Variants in RGS6 observed in about 807,000 individuals in gnomAD.
RGS6 encodes regulator of G protein signaling 6, also known as regulator of G-protein signaling 6.
In RGS6, 30 loss-of-function variants were observed where a neutral mutation model predicts 78.5. The ratio of observed to expected loss-of-function variants is 0.38; its 90% CI spans 0.29 to 0.52. The LOEUF (loss-of-function observed/expected upper bound fraction) is 0.52. Among genes scored for constraint, RGS6 ranks in the 20% least tolerant of loss-of-function variants. The pLI, the probability that RGS6 is intolerant of heterozygous loss-of-function variation, is 0.85. For synonymous variants in RGS6, 206 were observed against 206.0 expected, an observed-to-expected ratio of 1.00 and a Z score of 0.00; for missense variants, 495 against 609.7, an observed-to-expected ratio of 0.81 and a Z score of 1.98.
intron 3 of RGS6, among the ~76,000 whole-genome samples, chr14:72,418,677 G>A (rs1037481790): frequency 6.6e-6 from 1 of 152,182 alleles, no homozygotes; most frequent in Admixed American, 6.5e-5. Flanking sequence ...TTGCATGGAA[G>A]GTGCCTGGAA....
chr14:72,335,622 A>G (rs186966756), intron 2 of RGS6, among the ~76,000 whole-genome samples: 1 of 152,230 alleles, frequency 6.6e-6, no homozygotes, highest in African/African-American at 2.4e-5. Flanking sequence ...AACGTGGTTT[A>G]TGGTTTTGTT....
chr14:72,543,765 A>C (rs1341755251), intron 17 of RGS6, among the ~76,000 whole-genome samples: 1 of 152,210 alleles, frequency 6.6e-6, no homozygotes, highest in African/African-American at 2.4e-5. Flanking sequence ...CTTGAGACAG[A>C]GTCTCACTCT....
the RGS6 span, among the ~76,000 whole-genome samples, chr14:71,882,337 G>T: frequency 6.6e-6 from 1 of 152,130 alleles, no homozygotes; most frequent in Non-Finnish European, 1.5e-5. Flanking sequence ...TATCGCATTT[G>T]GTTTATCCAT....
chr14:72,587,696 CAG>C, the RGS6 span, among the ~76,000 whole-genome samples: 1 of 152,146 alleles, frequency 6.6e-6, no homozygotes, highest in Non-Finnish European at 1.5e-5. Flanking sequence ...TTCTGCCCCT[CAG>C]ATTCATCCCC....
At chr14:72,054,302 A>T (rs1376084513) in intron 2 of RGS6, among the ~76,000 whole-genome samples, 1 of 152,170 alleles carries the variant, frequency 6.6e-6, no homozygotes, top group African/African-American at 2.4e-5. Context: ...CTTTCATAAC[A>T]GTTCGCTCAA....
intron 2 of RGS6, among the ~76,000 whole-genome samples, chr14:72,126,515 AGTG>A (rs372084685): frequency 1.8e-4 from 28 of 152,348 alleles, no homozygotes; most frequent in African/African-American, 6.7e-4. Flanking sequence ...CCGTTGGTTA[AGTG>A]GTGGTGCTCA....
At chr14:72,294,095 G>A (rs1374718166) in intron 2 of RGS6, among the ~76,000 whole-genome samples, 5 of 152,198 alleles carry the variant, frequency 3.3e-5, no homozygotes, top group Non-Finnish European at 7.3e-5. Flanking sequence ...ACCACAAGAG[G>A]TCCTTTTTGT....
the RGS6 span, among the ~76,000 whole-genome samples, chr14:72,627,169 C>A: frequency 3.9e-5 from 6 of 151,932 alleles, no homozygotes; most frequent in African/African-American, 1.4e-4. Flanking sequence ...GTCAGATATA[C>A]CAACATTTTA....
At position 72,401,165 on chromosome 14, in the gene RGS6, A is replaced by G. The variant is rs538351952; in HGVS notation, c.184+48971A>G. 5.9e-5 allele frequency among the ~76,000 whole-genome samples: 9 copies of G among 152,228 alleles called. No homozygotes were observed. The East Asian group carries it at 1.7e-3, about 29-fold the overall frequency. Reference sequence around the variant, plus strand: ...CTTTACCCCAAGTCTACCTCCTTAAAATACTTTTATGAGCACAAATCCCTG... The same window carrying G: ...CTTTACCCCAAGTCTACCTCCTTAAGATACTTTTATGAGCACAAATCCCTG... On this transcript the variant is annotated intron_variant, in intron 3 of 17. Coordinates refer to ENST00000553525, the MANE Select transcript of RGS6 (RefSeq NM_001204424.2).
At chr14:72,619,300 GGCCTGGCA>G in the RGS6 span, 1 of 1,536,058 alleles carries the variant, frequency 6.5e-7, no homozygotes, top group Non-Finnish European at 8.7e-7. Flanking sequence ...TGGGGCCCTA[GGCCTGGCA>G]GCCAAAGGCT....
chr14:72,478,216 GA>G (rs397953686), intron 11 of RGS6, 51 bp from the exon 12 acceptor site: 7 of 1,427,024 alleles, frequency 4.9e-6, no homozygotes, highest in Admixed American at 3.5e-5. Flanking sequence ...GGAGCGAGGG[GA>G]AAAAAATAAT....
intron 2 of RGS6, among the ~76,000 whole-genome samples, chr14:72,186,036 A>G (rs1259996258): frequency 6.6e-6 from 1 of 152,260 alleles, no homozygotes; most frequent in Non-Finnish European, 1.5e-5. Context: ...TCTTCTATGT[A>G]AATGGAGGAA....
In RGS6 at chr14:72,468,952, G is replaced by A. The variant is rs146349503; in HGVS notation, c.460-1055G>A. ...ATCCATTAATGAGGGTAATCAATTC[G>A]TGTTGGCATGAGCTCTATGAAAATA... On this transcript the variant is annotated intron_variant, in intron 7 of 17. Coordinates refer to ENST00000553525, the MANE Select transcript of RGS6 (RefSeq NM_001204424.2). 8.1e-4 allele frequency among the ~76,000 whole-genome samples: 123 copies of A among 152,178 alleles called. No individual in the cohort carries two copies. In the East Asian group the frequency reaches 0.014, roughly 18 times the overall value.
intron 3 of RGS6, among the ~76,000 whole-genome samples, chr14:72,440,565 A>G (rs1187684460): frequency 6.6e-6 from 1 of 151,710 alleles, no homozygotes; most frequent in African/African-American, 2.4e-5. Flanking sequence ...GGTACATGCC[A>G]CCATGCCCGG....
intron 2 of RGS6, among the ~76,000 whole-genome samples, chr14:72,267,116 A>G (rs1025490527): frequency 1.3e-5 from 2 of 152,074 alleles, no homozygotes; most frequent in South Asian, 4.1e-4. Flanking sequence ...ATTTCTGGCT[A>G]ATTTTTGTAT....
chr14:71,928,994 G>A (rs1157342140), upstream of RGS6, among the ~76,000 whole-genome samples: 1 of 152,046 alleles, frequency 6.6e-6, no homozygotes, highest in East Asian at 1.9e-4. Context: ...CTTTCATTTT[G>A]AAATAATGTT....
chr14:72,422,084 G>A (rs1332928622), intron 3 of RGS6, among the ~76,000 whole-genome samples: 5 of 152,254 alleles, frequency 3.3e-5, no homozygotes, highest in Middle Eastern at 3.4e-3. Context: ...ATAATGGGGG[G>A]AGGTTCCCCT....
chr14:71,914,284 G>T, the RGS6 span, among the ~76,000 whole-genome samples: 1 of 152,140 alleles, frequency 6.6e-6, no homozygotes, highest in Non-Finnish European at 1.5e-5. Context: ...TTTTGGCCAT[G>T]GTTCATTTCT....
At chr14:72,100,892 C>T (rs1253085504) in intron 2 of RGS6, among the ~76,000 whole-genome samples, 1 of 152,202 alleles carries the variant, frequency 6.6e-6, no homozygotes, top group Non-Finnish European at 1.5e-5. Context: ...GGCACAGTGA[C>T]TCATGCCTGT....
Sources: allele counts gnomAD v4.1 joint callset (sites outside exome capture counted in the v4.1 genomes callset), GRCh38; gene constraint gnomAD v4.1.1; transcripts MANE v1.5; gene names NCBI Gene and HGNC (gene_info 2026-07-23, HGNC 2026-07-21).